Variants in EPHA6 observed in about 807,000 individuals in gnomAD.
EPHA6 encodes the protein EPH receptor A6.
A neutral mutation model predicts 112.0 loss-of-function variants in EPHA6; 50 were observed. That is an observed-to-expected ratio of 0.45 (90% CI 0.36 to 0.56). The LOEUF (loss-of-function observed/expected upper bound fraction) is 0.56. EPHA6 is among the 20% of genes least tolerant of loss of function. The pLI, the probability that EPHA6 is intolerant of heterozygous loss-of-function variation, is 0.00. For missense variants in EPHA6, 1,280 were observed against 1,417.4 expected (o/e 0.90, Z 1.56); for synonymous variants, 529 against 490.7 (o/e 1.08, Z -1.03).
In EPHA6 at chr3:97,592,551, A is replaced by G; in HGVS notation, c.2387-61A>G. Reference sequence around the variant, plus strand: ...TTGATTTTAGGTTTTATTCCATGTAAATGATCAATGCTTTTCCATAAAGAA... The same window carrying G: ...TTGATTTTAGGTTTTATTCCATGTAGATGATCAATGCTTTTCCATAAAGAA... On this transcript the variant is annotated intron_variant, in intron 11 of 17. Transcript: ENST00000389672. The G allele has an allele frequency of 3.8e-6, 6 of 1,588,798 alleles. No individual in the cohort carries two copies. The South Asian group carries it at 6.8e-5, about 18-fold the overall frequency.
At chr3:96,941,159 T>C (rs926590355) in intron 2 of EPHA6, among the ~76,000 whole-genome samples, 2 of 152,188 alleles carry the variant, frequency 1.3e-5, no homozygotes, top group African/African-American at 4.8e-5. Context: ...TTGCTATATT[T>C]GGGAAGTTCT....
At chr3:97,709,652 T>C (rs1159548950) in intron 14 of EPHA6, among the ~76,000 whole-genome samples, 1 of 152,282 alleles carries the variant, frequency 6.6e-6, no homozygotes, top group East Asian at 1.9e-4. Flanking sequence ...ATTGATATGG[T>C]TTGGCTCTGT....
At chr3:97,733,919 G>A (rs757254474) in intron 15 of EPHA6, among the ~76,000 whole-genome samples, 1 of 152,012 alleles carries the variant, frequency 6.6e-6, no homozygotes, top group African/African-American at 2.4e-5. Flanking sequence ...GTTTTATCAT[G>A]AGAACTAAAA....
At chr3:97,001,875 C>T (rs1291539444) in intron 3 of EPHA6, among the ~76,000 whole-genome samples, 2 of 151,932 alleles carry the variant, frequency 1.3e-5, no homozygotes, top group Non-Finnish European at 2.9e-5. Context: ...ATGATTTATT[C>T]CCATTATTGG....
At chr3:96,885,808 T>G (rs1299747194) in intron 2 of EPHA6, among the ~76,000 whole-genome samples, 1 of 152,188 alleles carries the variant, frequency 6.6e-6, no homozygotes, top group Non-Finnish European at 1.5e-5. Context: ...CCTAGAGGTG[T>G]AACCTTAGAG....
chr3:96,928,386 A>G (rs2040148614), intron 2 of EPHA6, among the ~76,000 whole-genome samples: 1 of 152,224 alleles, frequency 6.6e-6, no homozygotes, highest in Admixed American at 6.5e-5. Context: ...TTTACGCGAA[A>G]GTCATTCAGG....
intron 3 of EPHA6, among the ~76,000 whole-genome samples, chr3:96,995,592 A>G (rs935879910): frequency 2.0e-5 from 3 of 152,174 alleles, no homozygotes; most frequent in African/African-American, 7.2e-5. Context: ...TTTCAGGTTC[A>G]GTTCCAGACC....
At chr3:97,269,912 G>T (rs532107856) in intron 5 of EPHA6, among the ~76,000 whole-genome samples, 47 of 152,136 alleles carry the variant, frequency 3.1e-4, no homozygotes, top group African/African-American at 1.1e-3. Context: ...CTAAACTGTG[G>T]GTGTTAATTC....
At chr3:97,040,986 C>A (rs1016397089) in intron 3 of EPHA6, among the ~76,000 whole-genome samples, 2 of 151,992 alleles carry the variant, frequency 1.3e-5, no homozygotes, top group African/African-American at 4.8e-5. Context: ...CATTTATTTT[C>A]TTCCTCCCTA....
At position 96,820,342 on chromosome 3, in the gene EPHA6, T is replaced by G. The variant is rs181029614; in HGVS notation, c.385+5334T>G. On this transcript the variant is annotated intron_variant, in intron 1 of 17. Coordinates refer to ENST00000389672, the MANE Select transcript of EPHA6 (RefSeq NM_001080448.3). ...ATTTACATTTTAGTAGCACCATGAC[T>G]AGTGAGCAAAAACTTAATTGGGAGA... Among the ~76,000 whole-genome samples the G allele has an allele frequency of 3.9e-3, 591 of 152,124 alleles. 1 individual carries two copies. Among genetic ancestry groups the G allele is most frequent in the South Asian group, 0.011 (51 of 4,814 alleles).
chr3:97,525,622 T>C (rs1367833120), intron 10 of EPHA6, among the ~76,000 whole-genome samples: 1 of 152,214 alleles, frequency 6.6e-6, no homozygotes, highest in Non-Finnish European at 1.5e-5. Context: ...TTTCACTCTT[T>C]ATAGAATAGA....
intron 2 of EPHA6, among the ~76,000 whole-genome samples, chr3:96,884,759 T>C (rs985489113): frequency 8.5e-5 from 13 of 152,184 alleles, no homozygotes; most frequent in Admixed American, 2.6e-4. Context: ...TCCAGTACTA[T>C]GTTGAAGAGG....
At chr3:97,113,619 G>T (rs1232107178) in intron 3 of EPHA6, among the ~76,000 whole-genome samples, 1 of 152,108 alleles carries the variant, frequency 6.6e-6, no homozygotes, top group Non-Finnish European at 1.5e-5. Context: ...CCCAAAGGGA[G>T]AACTGGGTGG....
intron 1 of EPHA6, among the ~76,000 whole-genome samples, chr3:96,822,385 A>G (rs2033328501): frequency 7.9e-5 from 12 of 151,738 alleles, no homozygotes; most frequent in Admixed American, 7.9e-4. Flanking sequence ...GAAAGTGTGT[A>G]TTTTCACTCC....
intron 1 of EPHA6, among the ~76,000 whole-genome samples, chr3:96,849,867 C>G (rs2107364025): frequency 6.6e-6 from 1 of 152,186 alleles, no homozygotes; most frequent in East Asian, 1.9e-4. Context: ...AGGTAATGCA[C>G]TTAGAGCATG....
intron 5 of EPHA6, among the ~76,000 whole-genome samples, chr3:97,389,447 A>AATTATAAT (rs1464398927): frequency 3.9e-5 from 6 of 152,184 alleles, no homozygotes; most frequent in Non-Finnish European, 8.8e-5. Flanking sequence ...GATGTTGCTG[A>AATTATAAT]ATTATAATAT....
At chr3:96,970,725 G>A (rs1373081276) in intron 2 of EPHA6, among the ~76,000 whole-genome samples, 1 of 151,994 alleles carries the variant, frequency 6.6e-6, no homozygotes, top group Non-Finnish European at 1.5e-5. Context: ...CAGAGCTTAC[G>A]GTCTACGTAA....
At position 97,467,259 on chromosome 3, in the gene EPHA6, AT is replaced by A. The variant is rs958538583; in HGVS notation, c.1895-8085del. ...AGAATTTCCTCAAGAAATTATTTAG[AT>A]TTTTTTTCTAAATAATTCTGTTTTT... is the stretch of plus-strand genomic sequence containing the variant. On this transcript the variant is annotated intron_variant, in intron 7 of 17. Coordinates refer to ENST00000389672, the MANE Select transcript of EPHA6 (RefSeq NM_001080448.3). Among the ~76,000 whole-genome samples the A allele has an allele frequency of 9.9e-5, 15 of 151,484 alleles. No homozygotes were observed. The East Asian group carries it at 1.6e-3, about 16-fold the overall frequency.
intron 3 of EPHA6, among the ~76,000 whole-genome samples, chr3:97,060,357 G>A (rs904182570): frequency 1.3e-5 from 2 of 151,998 alleles, no homozygotes; most frequent in African/African-American, 2.4e-5. Context: ...GTAAACTAAG[G>A]TATTACAGAA....
Sources: gnomAD v4.1 joint callset for allele counts (sites outside exome capture counted in the v4.1 genomes callset) on GRCh38, gnomAD v4.1.1 for gene constraint, MANE v1.5 for transcripts, NCBI Gene and HGNC (gene_info 2026-07-23, HGNC 2026-07-21) for gene names.